The following SLIT3 variants were observed in gnomAD, a reference collection of about 807,000 sequenced individuals.
The protein encoded by SLIT3 is slit guidance ligand 3.
In SLIT3, 68 loss-of-function variants were observed where a neutral mutation model predicts 184.0. The ratio of observed to expected loss-of-function variants is 0.37; its 90% CI spans 0.30 to 0.45. The LOEUF (loss-of-function observed/expected upper bound fraction) is 0.45, where lower values mean the gene tolerates loss of function less well. Ranked by LOEUF, SLIT3 falls within the 20% of genes least tolerant of loss-of-function variation. The pLI is 1.00. For missense variants in SLIT3, 1,707 were observed against 2,026.0 expected, an observed-to-expected ratio of 0.84 and a Z score of 3.02; for synonymous variants, 831 against 828.6, an observed-to-expected ratio of 1.00 and a Z score of -0.05.
At chr5:168,685,215 T>C (rs1360666943) in intron 31 of SLIT3, among the ~76,000 whole-genome samples, 1 of 152,136 alleles carries the variant, frequency 6.6e-6, no homozygotes, top group Admixed American at 6.6e-5. Flanking sequence ...TCCCTAAGTG[T>C]TGGGATTATA....
At chr5:169,117,250 A>G (rs1296472878) in intron 4 of SLIT3, among the ~76,000 whole-genome samples, 1 of 152,186 alleles carries the variant, frequency 6.6e-6, no homozygotes, top group Non-Finnish European at 1.5e-5. Context: ...TAACTCCACA[A>G]TGGACTTACA....
At chr5:168,737,973 T>C (rs1763491892) in intron 20 of SLIT3, among the ~76,000 whole-genome samples, 1 of 152,200 alleles carries the variant, frequency 6.6e-6, no homozygotes, top group South Asian at 2.1e-4. Context: ...TGTCCTGTAT[T>C]TGCTTCTGTC....
chr5:168,841,680 G>A (rs902360863), intron 6 of SLIT3, among the ~76,000 whole-genome samples: 1 of 152,132 alleles, frequency 6.6e-6, no homozygotes, highest in African/African-American at 2.4e-5. Context: ...TGTCAGCCTC[G>A]ATGGAAAGAA....
Position 169,198,978 on chromosome 5 carries a change from A to ACACG in SLIT3, c.342-5429_342-5428insCGTG, listed in dbSNP as rs1164092852. Among the ~76,000 whole-genome samples the ACACG allele has an allele frequency of 4.7e-5, 7 of 148,974 alleles. No homozygotes were observed. The East Asian group carries it at 6.0e-4, about 13-fold the overall frequency. ...TACACACACACACACACACACACAT[A>ACACG]TGTGTGTATATTTATATATATATAT... is the stretch of plus-strand genomic sequence containing the variant. On this transcript the variant is annotated intron_variant, in intron 3 of 35. Coordinates refer to ENST00000519560, the MANE Select transcript of SLIT3 (RefSeq NM_003062.4).
intron 5 of SLIT3, among the ~76,000 whole-genome samples, chr5:168,860,942 C>G (rs1255109880): frequency 1.3e-5 from 2 of 152,136 alleles, no homozygotes; most frequent in Admixed American, 1.3e-4. Flanking sequence ...TTCTAGGGAC[C>G]TGTGAGTAAC....
chr5:169,177,573 A>G (rs1387335982), intron 4 of SLIT3, among the ~76,000 whole-genome samples: 1 of 152,198 alleles, frequency 6.6e-6, no homozygotes, highest in Non-Finnish European at 1.5e-5. Context: ...CCTGCCCACC[A>G]GGAAAGCCTG....
At chr5:168,820,734 C>T (rs190041709) in intron 7 of SLIT3, among the ~76,000 whole-genome samples, 169 of 152,264 alleles carry the variant, frequency 1.1e-3, no homozygotes, top group Middle Eastern at 6.8e-3. Context: ...ACCACCTCTA[C>T]AGAACATAAG....
chr5:168,814,605 C>T (rs1757271498), intron 8 of SLIT3, among the ~76,000 whole-genome samples: 1 of 152,166 alleles, frequency 6.6e-6, no homozygotes, highest in Non-Finnish European at 1.5e-5. Context: ...ACTCATGTTT[C>T]AACTGCACAC....
chr5:169,258,071 A>G (rs1422334404), intron 1 of SLIT3, among the ~76,000 whole-genome samples: 1 of 152,152 alleles, frequency 6.6e-6, no homozygotes, highest in Non-Finnish European at 1.5e-5. Context: ...TCACATGAGG[A>G]AGCTGAAGTT....
At chr5:169,155,635 C>T (rs925018496) in intron 4 of SLIT3, among the ~76,000 whole-genome samples, 1 of 152,180 alleles carries the variant, frequency 6.6e-6, no homozygotes, top group Non-Finnish European at 1.5e-5. Flanking sequence ...GGGGACTTGG[C>T]TCTTTGGAGG....
chr5:168,663,823 C>T lies in SLIT3; in HGVS notation c.*2631G>A, dbSNP rs1330006377. ...GACCTAGGACTAGAAGTTCCCTCCT[C>T]TGGACAGCCACTTCCATTGCTTGTA... On this transcript the variant is annotated 3_prime_UTR_variant, in exon 36 of 36. Coordinates refer to ENST00000519560, the MANE Select transcript of SLIT3 (RefSeq NM_003062.4). 6.6e-6 allele frequency: 1 copy of T among 152,216 alleles called. No individual in the cohort carries two copies. The highest frequency in any genetic ancestry group is 1.5e-5 in the Non-Finnish European group (1 of 68,048). 9.4% of individuals were successfully genotyped at this position (152,216 alleles called of 1,614,324 possible).
rs762248470 is a variant in SLIT3, at chr5:168,666,545, C to T, written c.4481G>A (p.Arg1494Gln). 9.4e-5 allele frequency: 151 copies of T among 1,613,836 alleles called. No homozygotes were observed. The highest frequency in any genetic ancestry group is 1.1e-4 in the Non-Finnish European group (135 of 1,179,930). ...CGTGCACTGGAAGACGTATTTCCGCCGCTTGCTGCGGGTGGGCTGGCAGCA... is the reference window on the plus strand; with the variant it reads ...CGTGCACTGGAAGACGTATTTCCGCTGCTTGCTGCGGGTGGGCTGGCAGCA... ...PQCCQPTRSK[R>Q]RKYVFQCTDG... Residue 1494 changes from arginine to glutamine, a missense_variant, in exon 36 of 36, where the codon CGG becomes CAG. Arg to Gln is a conservative substitution (Grantham distance 43). Transcript: ENST00000519560.
chr5:168,922,792 G>A (rs1163281267), intron 4 of SLIT3, among the ~76,000 whole-genome samples: 3 of 152,090 alleles, frequency 2.0e-5, no homozygotes, highest in African/African-American at 7.2e-5. Context: ...TAAGAGGTCT[G>A]GGCCTAAGAC....
chr5:168,923,638 T>C (rs1333357457), intron 4 of SLIT3, among the ~76,000 whole-genome samples: 1 of 151,688 alleles, frequency 6.6e-6, no homozygotes, highest in East Asian at 1.9e-4. Flanking sequence ...TGCCTCGGCC[T>C]CTCAGTTAGC....
chr5:168,757,020 C>T (rs904534943), intron 16 of SLIT3, among the ~76,000 whole-genome samples: 4 of 152,230 alleles, frequency 2.6e-5, no homozygotes, highest in Admixed American at 2.6e-4. Context: ...GCTGCCGTCT[C>T]TACATCCATC....
rs71575505 is a variant in SLIT3, at chr5:168,998,893, C to CTGTGTGTG, written c.414-115565_414-115558dup. 3.7e-3 allele frequency among the ~76,000 whole-genome samples: 532 copies of CTGTGTGTG among 143,288 alleles called. 5 individuals carry two copies. Among genetic ancestry groups the CTGTGTGTG allele is most frequent in the African/African-American group, 0.012 (449 of 38,586 alleles). 94.0% of individuals were successfully genotyped at this position (143,288 alleles called of 152,430 possible). On this transcript the variant is annotated intron_variant, in intron 4 of 35. Coordinates refer to ENST00000519560, the MANE Select transcript of SLIT3 (RefSeq NM_003062.4). ...AAATTCTGGGAGGGGACCCAGAAATCTGTGTGTGTGTGTGTGTGTGTGTGT... is the reference window on the plus strand; with the variant it reads ...AAATTCTGGGAGGGGACCCAGAAATCTGTGTGTGTGTGTGTGTGTGTGTGTGTGTGTGT...
intron 6 of SLIT3, among the ~76,000 whole-genome samples, chr5:168,835,047 G>A (rs551332004): frequency 1.3e-5 from 2 of 152,292 alleles, no homozygotes; most frequent in Non-Finnish European, 2.9e-5. Flanking sequence ...GTGCTCAAGA[G>A]TCACGTGTGG....
chr5:168,859,412 C>T (rs1021785823), intron 5 of SLIT3, among the ~76,000 whole-genome samples: 1 of 151,980 alleles, frequency 6.6e-6, no homozygotes, highest in South Asian at 2.1e-4. Flanking sequence ...AAGATAAAAG[C>T]CCCTTTGACA....
At chr5:168,998,113 C>A (rs1468153995) in intron 4 of SLIT3, among the ~76,000 whole-genome samples, 1 of 152,142 alleles carries the variant, frequency 6.6e-6, no homozygotes, top group African/African-American at 2.4e-5. Flanking sequence ...GCTGATCTCA[C>A]AGAGTTACAA....
Sources: allele counts gnomAD v4.1 joint callset (sites outside exome capture counted in the v4.1 genomes callset), GRCh38; gene constraint gnomAD v4.1.1; transcripts MANE v1.5; gene names NCBI Gene and HGNC (gene_info 2026-07-23, HGNC 2026-07-21).